ASTN2: variants seen among roughly 807,000 people sequenced by gnomAD.
The protein encoded by ASTN2 is astrotactin 2, also known as astrotactin-2.
Under a neutral mutation model 139.8 loss-of-function variants are expected in ASTN2, and 54 were observed. The observed-to-expected ratio is 0.39, with a 90% CI of 0.31 to 0.48. The LOEUF is 0.48. Ranked by LOEUF, ASTN2 falls within the 20% of genes least tolerant of loss-of-function variation. The pLI, the probability that ASTN2 is intolerant of heterozygous loss-of-function variation, is 0.95. For missense variants in ASTN2, 1,565 were observed against 1,725.1 expected (o/e 0.91, Z 1.64); for synonymous variants, 756 against 719.5 (o/e 1.05, Z -0.81).
At chr9:116,777,159 G>C (rs114453049) in intron 13 of ASTN2, among the ~76,000 whole-genome samples, 2,066 of 152,288 alleles carry the variant, frequency 0.014, 59 homozygotes, top group African/African-American at 0.047. Flanking sequence ...ACTGCTCCAA[G>C]GGTAAGGGCC....
At chr9:116,852,904 CA>C (rs1588354529) in intron 11 of ASTN2, among the ~76,000 whole-genome samples, 1 of 151,500 alleles carries the variant, frequency 6.6e-6, no homozygotes, top group East Asian at 1.9e-4. Context: ...CACACACACA[CA>C]CACACACACA....
At chr9:117,053,793 G>A (rs1487270449) in intron 5 of ASTN2, among the ~76,000 whole-genome samples, 2 of 152,196 alleles carry the variant, frequency 1.3e-5, no homozygotes, top group African/African-American at 4.8e-5. Context: ...GTCCTTTCCT[G>A]GATGTAGAGG....
At position 116,632,928 on chromosome 9, in the gene ASTN2, A is replaced by G. The variant is rs371570485; in HGVS notation, c.3073-12485T>C. 2.2e-3 allele frequency among the ~76,000 whole-genome samples: 337 copies of G among 152,314 alleles called. 15 individuals are homozygous for G. The South Asian group carries it at 0.062, about 28-fold the overall frequency. ...TCAGAAATTCCTTGCACAAGGCATG[A>G]CCCAAAGTAGGTACTCCATAAAAGT... On this transcript the variant is annotated intron_variant, in intron 17 of 22. Transcript: ENST00000313400.
Position 116,671,427 on chromosome 9 carries a change from T to C in ASTN2, c.2807-19634A>G, listed in dbSNP as rs147178517. 5.9e-3 allele frequency among the ~76,000 whole-genome samples: 896 copies of C among 151,984 alleles called. 12 individuals are homozygous for C. Among genetic ancestry groups the C allele is most frequent in the African/African-American group, 0.021 (866 of 41,426 alleles). On this transcript the variant is annotated intron_variant, in intron 16 of 22. Coordinates refer to ENST00000313400, the MANE Select transcript of ASTN2 (RefSeq NM_001365068.1). ...ATCATATGGAGATTAGAGTCAGAAT[T>C]TCAGCAAAAAGTAGAACTAAGTAGG...
intron 20 of ASTN2, among the ~76,000 whole-genome samples, chr9:116,460,819 A>G (rs548010243): frequency 1.3e-5 from 2 of 152,268 alleles, no homozygotes; most frequent in South Asian, 4.1e-4. Context: ...TAAAATAAAC[A>G]GAGTTCCATC....
intron 13 of ASTN2, among the ~76,000 whole-genome samples, chr9:116,776,123 A>G (rs1178544978): frequency 1.3e-5 from 2 of 152,088 alleles, no homozygotes; most frequent in Non-Finnish European, 2.9e-5. Context: ...ATAAGCAGGA[A>G]GGATCCAAAG....
intron 1 of ASTN2, among the ~76,000 whole-genome samples, chr9:117,298,377 G>A (rs1305881681): frequency 6.6e-6 from 1 of 152,148 alleles, no homozygotes; most frequent in Non-Finnish European, 1.5e-5. Flanking sequence ...AGGGTCTGGA[G>A]ACCAACTGCT....
chr9:117,084,578 A>G (rs1231989787), intron 5 of ASTN2, among the ~76,000 whole-genome samples: 2 of 152,258 alleles, frequency 1.3e-5, no homozygotes, highest in Non-Finnish European at 2.9e-5. Context: ...CACAAGGACA[A>G]CAATTGATTG....
At chr9:116,888,300 A>G (rs1833669556) in intron 10 of ASTN2, among the ~76,000 whole-genome samples, 1 of 152,138 alleles carries the variant, frequency 6.6e-6, no homozygotes, top group Non-Finnish European at 1.5e-5. Context: ...AAATGTATTC[A>G]TTCATGACTA....
chr9:117,240,783 C>T (rs1426397995), intron 2 of ASTN2, among the ~76,000 whole-genome samples: 2 of 152,132 alleles, frequency 1.3e-5, no homozygotes, highest in Non-Finnish European at 2.9e-5. Flanking sequence ...GTCTAAAGCC[C>T]AAAGAATTTG....
intron 10 of ASTN2, among the ~76,000 whole-genome samples, chr9:116,958,111 C>T (rs938707841): frequency 6.6e-6 from 1 of 152,186 alleles, no homozygotes; most frequent in Non-Finnish European, 1.5e-5. Flanking sequence ...CGAGGTTTCT[C>T]CACTGTAAGG....
chr9:116,815,819 A>AAAAAAAAAAG (rs1225545659), intron 12 of ASTN2, among the ~76,000 whole-genome samples: 1 of 148,142 alleles, frequency 6.8e-6, no homozygotes, highest in Non-Finnish European at 1.5e-5. Context: ...AAAAAAAAAA[A>AAAAAAAAAAG]AAAAAAAAAG....
At chr9:117,394,096 T>C (rs1001576374) in intron 1 of ASTN2, among the ~76,000 whole-genome samples, 1 of 152,172 alleles carries the variant, frequency 6.6e-6, no homozygotes, top group African/African-American at 2.4e-5. Context: ...GTGGATCTCT[T>C]TGGGGTTACT....
intron 4 of ASTN2, among the ~76,000 whole-genome samples, chr9:117,096,924 T>C (rs1039486169): frequency 6.6e-6 from 1 of 152,026 alleles, no homozygotes; most frequent in Non-Finnish European, 1.5e-5. Context: ...CAACATTAAG[T>C]GGAGAAATGA....
Position 116,530,094 on chromosome 9 carries a change from GATATATATATAT to G in ASTN2, c.3356-42606_3356-42595del, listed in dbSNP as rs3984942. Among the ~76,000 whole-genome samples, 264 of 50,970 alleles carry G rather than the reference GATATATATATAT, an allele frequency of 5.2e-3. 1 individual carries two copies. The highest frequency in any genetic ancestry group is 7.9e-3 in the Admixed American group (30 of 3,814). The allele number at this position is 50,970 out of a possible 152,430, so 33.4% of individuals were successfully genotyped here. A position where few individuals can be genotyped will look rare whatever the true frequency, so the allele number is the denominator to read the frequency against. ...ATCAGTGGATGAATGGATAAAGTGT[GATATATATATAT>G]ATATATATATATATATATATATATA... On this transcript the variant is annotated intron_variant, in intron 19 of 22. Transcript: ENST00000313400.
At chr9:117,220,463 G>A (rs1409087882) in intron 2 of ASTN2, among the ~76,000 whole-genome samples, 1 of 152,176 alleles carries the variant, frequency 6.6e-6, no homozygotes, top group Non-Finnish European at 1.5e-5. Context: ...TTGGAAATAG[G>A]ATATTTGCAG....
At position 116,980,119 on chromosome 9, in the gene ASTN2, C is replaced by T. The variant is rs531510797; in HGVS notation, c.1592-3334G>A. ...CCCGAGTGCTAGCAGCAGATGGACC[C>T]GGTCCCATCCTCTTGTTCTCTCCCT... On this transcript the variant is annotated intron_variant, in intron 7 of 22. Coordinates refer to ENST00000313400, the MANE Select transcript of ASTN2 (RefSeq NM_001365068.1). Among the ~76,000 whole-genome samples the T allele has an allele frequency of 2.6e-5, 4 of 152,292 alleles. No individual in the cohort carries two copies. In the East Asian group the frequency reaches 5.8e-4, roughly 22 times the overall value.
chr9:117,236,169 G>C (rs1306572783), intron 2 of ASTN2, among the ~76,000 whole-genome samples: 1 of 152,210 alleles, frequency 6.6e-6, no homozygotes, highest in Non-Finnish European at 1.5e-5. Flanking sequence ...CTGTGCAACA[G>C]AGCTCGGAAA....
intron 7 of ASTN2, among the ~76,000 whole-genome samples, chr9:116,990,199 A>G (rs1169749148): frequency 1.3e-5 from 2 of 149,402 alleles, no homozygotes; most frequent in Non-Finnish European, 3.0e-5. Flanking sequence ...TAAAGGTGCC[A>G]CCAAAAAAGA....
Sources: gnomAD v4.1 joint callset for allele counts (sites outside exome capture counted in the v4.1 genomes callset) on GRCh38, gnomAD v4.1.1 for gene constraint, MANE v1.5 for transcripts, NCBI Gene and HGNC (gene_info 2026-07-23, HGNC 2026-07-21) for gene names.